Variants in ERCC8 observed in about 807,000 individuals in gnomAD.
ERCC8 encodes the protein DNA excision repair protein ERCC-8.
A neutral mutation model predicts 54.9 loss-of-function variants in ERCC8; 52 were observed. The observed-to-expected ratio is 0.95, with a 90% confidence interval of 0.76 to 1.19. The LOEUF (loss-of-function observed/expected upper bound fraction) is 1.19. ERCC8 is among the 50% of genes most tolerant of loss of function. ERCC8 has a pLI of 0.00. For missense variants in ERCC8, 514 were observed against 466.1 expected (o/e 1.10, Z -0.95); for synonymous variants, 146 against 157.2 (o/e 0.93, Z 0.53).
chr5:60,909,719 C>A (rs1163748249), intron 4 of ERCC8: 1 of 152,202 alleles, frequency 6.6e-6, no homozygotes, highest in Non-Finnish European at 1.5e-5. Context: ...TTTGAGAGGC[C>A]GAGGTGGGTG....
At chr5:60,925,877 A>G (rs765685293) in intron 2 of ERCC8, among the ~76,000 whole-genome samples, 4 of 152,120 alleles carry the variant, frequency 2.6e-5, no homozygotes, top group African/African-American at 7.2e-5. Flanking sequence ...AGACTGGAGT[A>G]CAGTGGCATG....
chr5:60,881,150 ATCAG>A (rs143267182), intron 11 of ERCC8, among the ~76,000 whole-genome samples: 19,789 of 152,098 alleles, frequency 0.13, 1,623 homozygotes, highest in African/African-American at 0.23. Context: ...TTGCCTGGCT[ATCAG>A]CTCAGAGACT....
chr5:60,915,602 T>A (rs1749408739), intron 4 of ERCC8, among the ~76,000 whole-genome samples: 1 of 152,008 alleles, frequency 6.6e-6, no homozygotes, highest in Admixed American at 6.6e-5. Context: ...CTGCATTCCT[T>A]TTTGGAGGCT....
chr5:60,915,565 A>G (rs545494245), intron 4 of ERCC8, among the ~76,000 whole-genome samples: 2 of 152,158 alleles, frequency 1.3e-5, no homozygotes, highest in East Asian at 1.9e-4. Context: ...ATAGGTCTCA[A>G]TGGATTATAA....
chr5:60,901,046 C>T (rs1748891324), intron 7 of ERCC8, among the ~76,000 whole-genome samples: 1 of 151,778 alleles, frequency 6.6e-6, no homozygotes, highest in South Asian at 2.1e-4. Flanking sequence ...GACAGGGAGA[C>T]AGGGCTGGCA....
At chr5:60,941,813 G>A (rs908455272) in intron 1 of ERCC8, among the ~76,000 whole-genome samples, 4 of 152,170 alleles carry the variant, frequency 2.6e-5, no homozygotes, top group African/African-American at 9.6e-5. Flanking sequence ...AAGGAAATTT[G>A]AGGCATCAGG....
chr5:60,869,607 T>C lies in ERCC8; in HGVS notation c.*5008A>G, dbSNP rs1168007281. Among the ~76,000 whole-genome samples, 1 of 152,192 alleles carries C rather than the reference T, an allele frequency of 6.6e-6. No individual in the cohort carries two copies. The highest frequency in any genetic ancestry group is 1.9e-4 in the East Asian group (1 of 5,200). ...CTTCAGTTCATGGGATAACTTTTTTTCTCTATTAAGGTGTTCCCTTAATTC... is the reference window on the plus strand; with the variant it reads ...CTTCAGTTCATGGGATAACTTTTTTCCTCTATTAAGGTGTTCCCTTAATTC... On this transcript the variant is annotated 3_prime_UTR_variant, in exon 12 of 12. Transcript: ENST00000676185.
intron 1 of ERCC8, among the ~76,000 whole-genome samples, chr5:60,937,994 A>T (rs1750117867): frequency 6.9e-6 from 1 of 144,716 alleles, no homozygotes; most frequent in African/African-American, 2.6e-5. Flanking sequence ...TTGTTCAATG[A>T]GTTAATATGT....
intron 2 of ERCC8, among the ~76,000 whole-genome samples, chr5:60,926,435 T>A (rs947126801): frequency 1.3e-5 from 2 of 152,208 alleles, no homozygotes; most frequent in African/African-American, 4.8e-5. Flanking sequence ...GTAGCATGTA[T>A]TGATTTATAG....
chr5:60,891,312 C>A (rs2112476826), intron 9 of ERCC8, among the ~76,000 whole-genome samples: 1 of 151,974 alleles, frequency 6.6e-6, no homozygotes, highest in African/African-American at 2.4e-5. Flanking sequence ...ACTTTTCAAT[C>A]TTAATAGAAG....
chr5:60,928,805 CA>C (rs1749822765), intron 2 of ERCC8, 58 bp downstream of exon 2: 4 of 898,824 alleles, frequency 4.5e-6, no homozygotes, highest in Non-Finnish European at 7.3e-6. Flanking sequence ...TTTGAAAAAG[CA>C]GGTTTTACTG....
In ERCC8 at chr5:60,893,217, CGG is replaced by C. The variant is rs145991531; in HGVS notation, c.844-2133_844-2132del. On this transcript the variant is annotated intron_variant, in intron 9 of 11. Coordinates refer to ENST00000676185, the MANE Select transcript of ERCC8 (RefSeq NM_000082.4). ...CACATCAGAGTATTCTACCACCTCACGGACTCCTTGTAATAAGCCTTCATAGT... is the reference window on the plus strand; with the variant it reads ...CACATCAGAGTATTCTACCACCTCACACTCCTTGTAATAAGCCTTCATAGT... The C allele has an allele frequency of 1.9e-3, 1,880 of 971,872 alleles. 18 individuals carry two copies. In the African/African-American group the frequency reaches 0.027, roughly 14 times the overall value. The allele number at this position is 971,872 out of a possible 1,614,324, so 60.2% of individuals were successfully genotyped here. A position where few individuals can be genotyped will look rare whatever the true frequency, so the allele number is the denominator to read the frequency against.
At chr5:60,909,245 A>AGAAG (rs1427384829) in intron 4 of ERCC8, among the ~76,000 whole-genome samples, 2 of 20,536 alleles carry the variant, frequency 9.7e-5, no homozygotes, top group Non-Finnish European at 2.0e-4. Context: ...CCTATTCTGA[A>AGAAG]AAAAAAAAAA....
At chr5:60,880,866 G>A (rs977635786) in intron 11 of ERCC8, among the ~76,000 whole-genome samples, 4 of 152,066 alleles carry the variant, frequency 2.6e-5, no homozygotes, top group South Asian at 2.1e-4. Context: ...TTCTCAACTC[G>A]TCAATGTCAT....
chr5:60,922,720 C>T (rs1749635867), intron 2 of ERCC8, among the ~76,000 whole-genome samples: 2 of 152,058 alleles, frequency 1.3e-5, no homozygotes, highest in African/African-American at 4.8e-5. Context: ...TGCATTCACT[C>T]AATTCATTCA....
At chr5:60,930,676 A>C (rs1275166464) in intron 1 of ERCC8, among the ~76,000 whole-genome samples, 1 of 152,340 alleles carries the variant, frequency 6.6e-6, no homozygotes, top group East Asian at 1.9e-4. Context: ...CAGTGAGCCG[A>C]GATCGCGCCA....
chr5:60,884,403 G>A lies in ERCC8; in HGVS notation c.1122+3037C>T, dbSNP rs191748549. ...AGGCAGGAGAATGGCGTGAACCCAG[G>A]AGGCGGAGCTTGCAGTGAACCGAGA... On this transcript the variant is annotated intron_variant, in intron 11 of 11. Transcript: ENST00000676185. Among the ~76,000 whole-genome samples, 638 of 150,958 alleles carry A rather than the reference G, an allele frequency of 4.2e-3. 8 individuals carry two copies. The highest frequency in any genetic ancestry group is 5.9e-3 in the Non-Finnish European group (403 of 67,888).
chr5:60,902,585 A>T, intron 6 of ERCC8, 77 bp from the exon 7 acceptor site: 1 of 1,222,382 alleles, frequency 8.2e-7, no homozygotes. Flanking sequence ...ATTTTGCCTG[A>T]TTCTGAAGAA....
chr5:60,922,039 A>C lies in ERCC8; in HGVS notation c.275+15T>G. ...TATTTACAAATTCATAAATTTTTAC[A>C]TTTTAAATACATACCTGCCAATGGA... On this transcript the variant is annotated intron_variant, in intron 3 of 11. Transcript: ENST00000676185. 1 of 1,555,560 alleles carries C rather than the reference A, an allele frequency of 6.4e-7. No individual in the cohort carries two copies. The highest frequency in any genetic ancestry group is 8.8e-7 in the Non-Finnish European group (1 of 1,133,940).
Sources: allele counts gnomAD v4.1 joint callset (sites outside exome capture counted in the v4.1 genomes callset), GRCh38; gene constraint gnomAD v4.1.1; transcripts MANE v1.5; gene names NCBI Gene and HGNC (gene_info 2026-07-23, HGNC 2026-07-21).